BCAM: variants seen among roughly 807,000 people sequenced by gnomAD.
BCAM encodes basal cell adhesion molecule (Lutheran blood group).
BCAM carries 61 observed loss-of-function variants against 72.4 expected under a neutral mutation model. The observed-to-expected ratio is 0.84, with a 90% confidence interval of 0.69 to 1.04. The LOEUF (loss-of-function observed/expected upper bound fraction) is 1.04. BCAM is among the 50% of genes least tolerant of loss of function. The probability of loss-of-function intolerance (pLI) is 0.00; values close to 1 mark genes in which losing one functional copy is unlikely to be tolerated. For synonymous variants in BCAM, 408 were observed against 384.2 expected, an observed-to-expected ratio of 1.06 and a Z score of -0.73; for missense variants, 909 against 895.0, an observed-to-expected ratio of 1.02 and a Z score of -0.20.
intron 13 of BCAM, 180 bp downstream of exon 13, chr19:44,819,906 T>A (rs1262914210): frequency 3.7e-6 from 5 of 1,362,162 alleles, no homozygotes; most frequent in African/African-American, 3.4e-5. Context: ...CCCAGACTAA[T>A]CCACAGCCAT....
At position 44,810,688 on chromosome 19, in the gene BCAM, G is replaced by C. The variant is rs562992705; in HGVS notation, c.83-537G>C. Among the ~76,000 whole-genome samples, 6 of 152,282 alleles carry C rather than the reference G, an allele frequency of 3.9e-5. No individual in the cohort carries two copies. In the South Asian group the frequency reaches 1.2e-3, roughly 32 times the overall value. The stretch of plus-strand genomic sequence containing the variant: ...CCTGCCCAGGGTGCTGGAGGCAAAT[G>C]GCTGAGCCAGGCCTGGCCCTGCCCT... On this transcript the variant is annotated intron_variant, in intron 1 of 14. Transcript: ENST00000270233.
intron 8 of BCAM, among the ~76,000 whole-genome samples, chr19:44,815,033 G>A (rs751563560): frequency 2.0e-5 from 3 of 150,288 alleles, no homozygotes; most frequent in Non-Finnish European, 4.4e-5. Context: ...GTGAGCCACC[G>A]CATCTTGTCG....
At chr19:44,810,406 C>A (rs932388195) in intron 1 of BCAM, among the ~76,000 whole-genome samples, 1 of 152,122 alleles carries the variant, frequency 6.6e-6, no homozygotes, top group Non-Finnish European at 1.5e-5. Flanking sequence ...GCCTGTCCCT[C>A]CCACATTCCT....
At chr19:44,819,890 C>A in intron 13 of BCAM, 164 bp downstream of exon 13, 1 of 1,410,460 alleles carries the variant, frequency 7.1e-7, no homozygotes, top group East Asian at 2.6e-5. Flanking sequence ...CAGCCCCAAA[C>A]CCAGCCCCAG....
chr19:44,812,543 C>G lies in BCAM; in HGVS notation c.499C>G (p.Gln167Glu), dbSNP rs755416791. 3.1e-6 allele frequency: 5 copies of G among 1,614,042 alleles called. No individual in the cohort carries two copies. In the African/African-American group the frequency reaches 6.7e-5, roughly 22 times the overall value. The change falls in exon 4 of 15, where the codon CAG becomes GAG. Residue 167 changes from glutamine to glutamate, a missense_variant. Gln to Glu is a conservative substitution (Grantham distance 29, BLOSUM62 2). Coordinates refer to ENST00000270233, the MANE Select transcript of BCAM (RefSeq NM_005581.5). This position sits in a 1 kb window ranked among gnomAD's most constrained non-coding sequence, Gnocchi z 5.3. Reference sequence around the variant, plus strand: ...ACTGTCTGTGATGGAGGACTCTGCCCAGGAGGTACCTCTCGGGTGGACCTT... The same window carrying G: ...ACTGTCTGTGATGGAGGACTCTGCCGAGGAGGTACCTCTCGGGTGGACCTT... ...GTLSVMEDSA[Q>E]EIATCNSRNG...
At position 44,814,429 on chromosome 19, in the gene BCAM, A is replaced by G; in HGVS notation, c.921+141A>G. 2.1e-6 allele frequency: 3 copies of G among 1,419,586 alleles called. No individual in the cohort carries two copies. Among genetic ancestry groups the G allele is most frequent in the Non-Finnish European group, 2.8e-6 (3 of 1,066,106 alleles). 87.9% of individuals were successfully genotyped at this position (1,419,586 alleles called of 1,614,324 possible). ...CCTGATCTGGTGGCCCACGAACTAAAAGGACCTCTGACCCCTGATTTGAGA... is the reference window on the plus strand; with the variant it reads ...CCTGATCTGGTGGCCCACGAACTAAGAGGACCTCTGACCCCTGATTTGAGA... On this transcript the variant is annotated intron_variant, in intron 7 of 14. Transcript: ENST00000270233. The surrounding 1 kb of genome is among the most constrained non-coding windows in gnomAD (Gnocchi z 4.6).
chr19:44,815,878 T>A (rs985785487), intron 8 of BCAM, among the ~76,000 whole-genome samples: 6 of 151,648 alleles, frequency 4.0e-5, no homozygotes, highest in African/African-American at 1.5e-4. Flanking sequence ...CCAGGCATAG[T>A]GGCACACACC....
rs1968484148 is a variant in BCAM at position 44,814,909 on chromosome 19, T to TTG, written c.1078+150_1078+151insGT. 17 of 260,838 alleles carry TTG rather than the reference T, an allele frequency of 6.5e-5. No homozygotes were observed. The highest frequency in any genetic ancestry group is 5.8e-4 in the East Asian group (5 of 8,694). The allele number at this position is 260,838 out of a possible 1,614,324, so 16.2% of individuals were successfully genotyped here. A position where few individuals can be genotyped will look rare whatever the true frequency, so the allele number is the denominator to read the frequency against. On this transcript the variant is annotated intron_variant, in intron 8 of 14. Transcript: ENST00000270233. This position sits in a 1 kb window ranked among gnomAD's most constrained non-coding sequence, Gnocchi z 4.6. ...CATTTCTTGGGGGTTTTTTTGGTTG[T>TTG]TTTTTTTTTTTTTTTTTTCCCAGAG...
chr19:44,810,668 C>T (rs924949145), intron 1 of BCAM, among the ~76,000 whole-genome samples: 1 of 152,192 alleles, frequency 6.6e-6, no homozygotes, highest in Non-Finnish European at 1.5e-5. Context: ...GTGGCCCTGC[C>T]CAGGGTGCTG....
In BCAM at chr19:44,820,806, G is replaced by T. The variant is rs151175320; in HGVS notation, c.1865G>T (p.Gly622Val). 1.9e-5 allele frequency: 29 copies of T among 1,512,658 alleles called. 1 individual carries two copies. The African/African-American group carries it at 2.4e-4, about 12-fold the overall frequency. The allele number at this position is 1,512,658 out of a possible 1,614,324, so 93.7% of individuals were successfully genotyped here. The change falls in exon 14 of 15, where the codon GGG becomes GTG. Residue 622 changes from glycine to valine, a missense_variant. Gly to Val is a moderately radical substitution (Grantham distance 109). Transcript: ENST00000270233. ...TCCGGAGGAGCCAGGGGTGGCAGCG[G>T]GGGCTTCGGAGACGAGGTGGGTGAG... is the stretch of plus-strand genomic sequence containing the variant. ...GASGGARGGS[G>V]GFGDEC
chr19:44,811,170 CT>C, intron 1 of BCAM, 54 bp from the exon 2 acceptor site: 1 of 1,609,002 alleles, frequency 6.2e-7, no homozygotes. Flanking sequence ...GGGACCCTGT[CT>C]GGAGGGCTCT....
Position 44,814,786 on chromosome 19 carries a change from G to T in BCAM, c.1078+26G>T, listed in dbSNP as rs1368248024. ...GTGAGAGCCCTGGGTGAACGGGCGGGCAGGAGGGGCCCTGGCATCAGTGCC... is the reference window on the plus strand; with the variant it reads ...GTGAGAGCCCTGGGTGAACGGGCGGTCAGGAGGGGCCCTGGCATCAGTGCC... On this transcript the variant is annotated intron_variant, in intron 8 of 14. Coordinates refer to ENST00000270233, the MANE Select transcript of BCAM (RefSeq NM_005581.5). This position sits in a 1 kb window ranked among gnomAD's most constrained non-coding sequence, Gnocchi z 4.6. 5 of 1,590,874 alleles carry T rather than the reference G, an allele frequency of 3.1e-6. No homozygotes were observed. The highest frequency in any genetic ancestry group is 4.3e-6 in the Non-Finnish European group (5 of 1,168,290).
At position 44,814,128 on chromosome 19, in the gene BCAM, C is replaced by T; in HGVS notation, c.785-24C>T. 1 of 1,564,720 alleles carries T rather than the reference C, an allele frequency of 6.4e-7. No homozygotes were observed. The highest frequency in any genetic ancestry group is 8.6e-7 in the Non-Finnish European group (1 of 1,163,032). On this transcript the variant is annotated intron_variant, in intron 6 of 14. Coordinates refer to ENST00000270233, the MANE Select transcript of BCAM (RefSeq NM_005581.5). The surrounding 1 kb of genome is among the most constrained non-coding windows in gnomAD (Gnocchi z 4.6). The stretch of plus-strand genomic sequence containing the variant: ...CTTGACCCTTCCCCTGATCACAATT[C>T]CCATCTCCCTGCCCTTCCCTTAGAT...
At chr19:44,810,158 A>G (rs1968398130) in intron 1 of BCAM, among the ~76,000 whole-genome samples, 1 of 152,096 alleles carries the variant, frequency 6.6e-6, no homozygotes, top group Admixed American at 6.5e-5. Context: ...TGATGCCAGG[A>G]TGCCAGCCCA....
Position 44,820,928 on chromosome 19 carries a change from A to G in BCAM, c.*7A>G. 1 of 1,561,084 alleles carries G rather than the reference A, an allele frequency of 6.4e-7. No homozygotes were observed. The highest frequency in any genetic ancestry group is 2.4e-5 in the East Asian group (1 of 41,278). Reference sequence around the variant, plus strand: ...ATCCGCTCCCCAGTGCTGAGCCAAGAACCTCCTAGAGGCTGTCCCTGGACC... The same window carrying G: ...ATCCGCTCCCCAGTGCTGAGCCAAGGACCTCCTAGAGGCTGTCCCTGGACC... On this transcript the variant is annotated 3_prime_UTR_variant, in exon 15 of 15. Coordinates refer to ENST00000270233, the MANE Select transcript of BCAM (RefSeq NM_005581.5).
chr19:44,809,371 C>G (rs1721375392), intron 1 of BCAM, among the ~76,000 whole-genome samples, 165 bp downstream of exon 1: 1 of 152,138 alleles, frequency 6.6e-6, no homozygotes, highest in South Asian at 2.1e-4. Context: ...TGAGAGAGAT[C>G]TGGGGACAGC....
intron 8 of BCAM, among the ~76,000 whole-genome samples, chr19:44,816,167 G>A (rs954023214): frequency 1.3e-5 from 2 of 151,934 alleles, no homozygotes; most frequent in African/African-American, 2.4e-5. Flanking sequence ...AAAGTTAGCC[G>A]GGTGTGGTGG....
chr19:44,814,029 C>G lies in BCAM; in HGVS notation c.785-123C>G. On this transcript the variant is annotated intron_variant, in intron 6 of 14. Transcript: ENST00000270233. This position sits in a 1 kb window ranked among gnomAD's most constrained non-coding sequence, Gnocchi z 4.6. ...TAATTGTGAACCTGAGGCTTGAAAC[C>G]TATGACCCGTAACCTTTGACCCGCC... 2.4e-6 allele frequency: 3 copies of G among 1,264,822 alleles called. No individual in the cohort carries two copies. Among genetic ancestry groups the G allele is most frequent in the Non-Finnish European group, 2.2e-6 (2 of 930,192 alleles). 78.3% of individuals were successfully genotyped at this position (1,264,822 alleles called of 1,614,324 possible).
Position 44,813,066 on chromosome 19 carries a change from ATGG to A in BCAM, c.505-181_505-179del, listed in dbSNP as rs1329049300. 1 of 631,286 alleles carries A rather than the reference ATGG, an allele frequency of 1.6e-6. No homozygotes were observed. Among genetic ancestry groups the A allele is most frequent in the Admixed American group, 3.1e-5 (1 of 32,400 alleles). The allele number at this position is 631,286 out of a possible 1,614,324, so 39.1% of individuals were successfully genotyped here. On this transcript the variant is annotated intron_variant, in intron 4 of 14. Transcript: ENST00000270233. The surrounding 1 kb of genome is among the most constrained non-coding windows in gnomAD (Gnocchi z 4.2). ...ACCCAGAATCCTTGGTCCCTGGAGG[ATGG>A]TGCTGGAGGCCTGGACTCTTTAGTC...
Sources: allele counts gnomAD v4.1 joint callset (sites outside exome capture counted in the v4.1 genomes callset), GRCh38; gene constraint gnomAD v4.1.1; non-coding constraint Gnocchi (gnomAD v3.1); transcripts MANE v1.5; gene names NCBI Gene and HGNC (gene_info 2026-07-23, HGNC 2026-07-21).